Variants in CDH12 observed in about 807,000 individuals in gnomAD.
The protein encoded by CDH12 is cadherin-12.
CDH12 carries 41 observed loss-of-function variants against 74.1 expected under a neutral mutation model. The observed-to-expected ratio is 0.55, with a 90% CI of 0.43 to 0.72. The LOEUF (loss-of-function observed/expected upper bound fraction) is 0.72, where lower values mean the gene tolerates loss of function less well. Ranked by LOEUF, CDH12 falls within the 30% of genes least tolerant of loss-of-function variation. CDH12 has a pLI of 0.00. For missense variants in CDH12, 945 were observed against 977.2 expected, an observed-to-expected ratio of 0.97 and a Z score of 0.44; for synonymous variants, 399 against 355.0, an observed-to-expected ratio of 1.12 and a Z score of -1.39.
intron 1 of CDH12, among the ~76,000 whole-genome samples, chr5:22,756,098 GAAAA>G (rs60067455): frequency 4.8e-4 from 42 of 87,326 alleles, no homozygotes; most frequent in African/African-American, 1.2e-3. Context: ...TTCAAGGACC[GAAAA>G]AAAAAAAAAA....
chr5:22,350,096 T>C (rs1377895126), intron 3 of CDH12, among the ~76,000 whole-genome samples: 1 of 152,324 alleles, frequency 6.6e-6, no homozygotes, highest in South Asian at 2.1e-4. Flanking sequence ...TTTGTACACA[T>C]TAACTCAGTT....
At chr5:21,804,094 C>G (rs1424026346) in intron 9 of CDH12, among the ~76,000 whole-genome samples, 1 of 151,998 alleles carries the variant, frequency 6.6e-6, no homozygotes, top group Non-Finnish European at 1.5e-5. Flanking sequence ...GCTTTGTAAT[C>G]AATGTTTTCT....
chr5:21,942,343 T>TACACAC (rs1755369123), intron 6 of CDH12, among the ~76,000 whole-genome samples: 1 of 97,514 alleles, frequency 1.0e-5, no homozygotes, highest in African/African-American at 3.9e-5. Flanking sequence ...AGTATATATA[T>TACACAC]ATATACACAC....
At chr5:22,167,439 T>C (rs1280639846) in intron 4 of CDH12, among the ~76,000 whole-genome samples, 1 of 152,202 alleles carries the variant, frequency 6.6e-6, no homozygotes, top group African/African-American at 2.4e-5. Context: ...GGTATTGGTG[T>C]CCTTCGCTTG....
intron 1 of CDH12, among the ~76,000 whole-genome samples, chr5:22,545,461 G>T (rs1738274728): frequency 6.6e-6 from 1 of 152,158 alleles, no homozygotes; most frequent in Admixed American, 6.5e-5. Context: ...AGATACAACT[G>T]CTCTAATATA....
chr5:22,265,239 T>C (rs980408543), intron 3 of CDH12, among the ~76,000 whole-genome samples: 3 of 152,210 alleles, frequency 2.0e-5, no homozygotes, highest in Non-Finnish European at 4.4e-5. Context: ...AAATTATTTG[T>C]GGAAAAAAAT....
At chr5:22,503,574 C>T (rs1468739412) in intron 2 of CDH12, among the ~76,000 whole-genome samples, 4 of 152,052 alleles carry the variant, frequency 2.6e-5, no homozygotes, top group African/African-American at 4.8e-5. Context: ...AGCCATTCTC[C>T]TCAAATGCAT....
At chr5:22,483,763 T>TATATATATATATATAA (rs902754630) in intron 2 of CDH12, among the ~76,000 whole-genome samples, 5 of 91,832 alleles carry the variant, frequency 5.4e-5, no homozygotes, top group South Asian at 3.9e-4. Context: ...TATATATATA[T>TATATATATATATATAA]AAATTTAATT....
intron 1 of CDH12, among the ~76,000 whole-genome samples, chr5:22,789,437 G>A (rs541240704): frequency 5.3e-5 from 8 of 152,024 alleles, no homozygotes; most frequent in East Asian, 1.9e-4. Flanking sequence ...CATGTTCAGC[G>A]TTTAAAAATG....
At chr5:22,663,004 A>G (rs1740428673) in intron 1 of CDH12, among the ~76,000 whole-genome samples, 1 of 152,206 alleles carries the variant, frequency 6.6e-6, no homozygotes, top group Non-Finnish European at 1.5e-5. Context: ...TGGAGTTTAT[A>G]ATAATATTAA....
At chr5:21,780,630 G>C (rs1486023692) in intron 11 of CDH12, among the ~76,000 whole-genome samples, 1 of 152,126 alleles carries the variant, frequency 6.6e-6, no homozygotes, top group Admixed American at 6.6e-5. Context: ...TTTTATTATG[G>C]ACAACATGTT....
intron 3 of CDH12, among the ~76,000 whole-genome samples, chr5:22,332,850 G>A (rs568346939): frequency 9.9e-5 from 15 of 152,200 alleles, no homozygotes; most frequent in African/African-American, 2.4e-4. Context: ...AAATAGGAAC[G>A]CTTTTACACT....
At chr5:21,803,848 T>C (rs1380556223) in intron 9 of CDH12, among the ~76,000 whole-genome samples, 1 of 152,160 alleles carries the variant, frequency 6.6e-6, no homozygotes, top group East Asian at 1.9e-4. Flanking sequence ...ATTTTTCTCC[T>C]TCTAAGATAT....
intron 6 of CDH12, among the ~76,000 whole-genome samples, chr5:21,890,390 A>G (rs1752842435): frequency 6.6e-6 from 1 of 152,168 alleles, no homozygotes; most frequent in Admixed American, 6.5e-5. Flanking sequence ...AAATAAGAAG[A>G]GTAAAAAGAA....
intron 1 of CDH12, among the ~76,000 whole-genome samples, chr5:22,734,734 G>A (rs936500138): frequency 2.6e-5 from 4 of 151,788 alleles, no homozygotes; most frequent in African/African-American, 9.7e-5. Flanking sequence ...CCCATGCACC[G>A]GTCTTGAGAT....
In CDH12 at chr5:21,816,624, CAAAAAAAAAAA is replaced by C. The variant is rs542222336; in HGVS notation, c.1002+310_1002+320del. 6.1e-3 allele frequency among the ~76,000 whole-genome samples: 109 copies of C among 17,966 alleles called. 2 individuals carry two copies. Among genetic ancestry groups the C allele is most frequent in the Admixed American group, 0.015 (12 of 816 alleles). The allele number at this position is 17,966 out of a possible 152,430, so 11.8% of individuals were successfully genotyped here. On this transcript the variant is annotated intron_variant, in intron 9 of 14. Coordinates refer to ENST00000382254, the MANE Select transcript of CDH12 (RefSeq NM_004061.5). ...TGGGTAACAGAGTGCAACTCCATCT[CAAAAAAAAAAA>C]AAAAAAAAAAAAAAAAAAGAATAGA...
chr5:22,334,527 C>T (rs1161446875), intron 3 of CDH12, among the ~76,000 whole-genome samples: 1 of 152,006 alleles, frequency 6.6e-6, no homozygotes, highest in Non-Finnish European at 1.5e-5. Context: ...TAGGGAAATA[C>T]AAAAGACCCA....
intron 5 of CDH12, among the ~76,000 whole-genome samples, chr5:21,988,924 G>T (rs1757632964): frequency 6.6e-6 from 1 of 152,106 alleles, no homozygotes; most frequent in Non-Finnish European, 1.5e-5. Context: ...AGAGATAAGA[G>T]ACAGATTCTC....
At chr5:22,103,242 C>G (rs554718805) in intron 4 of CDH12, among the ~76,000 whole-genome samples, 1 of 152,036 alleles carries the variant, frequency 6.6e-6, no homozygotes, top group Non-Finnish European at 1.5e-5. Context: ...TTTATGATGA[C>G]GATGATGATG....
Sources: allele counts gnomAD v4.1 joint callset (sites outside exome capture counted in the v4.1 genomes callset), GRCh38; gene constraint gnomAD v4.1.1; transcripts MANE v1.5; gene names NCBI Gene and HGNC (gene_info 2026-07-23, HGNC 2026-07-21).